ADGRB3: variants seen among roughly 807,000 people sequenced by gnomAD.
ADGRB3 encodes the protein adhesion G protein-coupled receptor B3.
In ADGRB3, 37 loss-of-function variants were observed where a neutral mutation model predicts 193.4. That is an observed-to-expected ratio of 0.19 (90% confidence interval 0.15 to 0.25). The LOEUF is 0.25. ADGRB3 is among the 10% of genes least tolerant of loss of function. ADGRB3 has a pLI of 1.00. For synonymous variants in ADGRB3, 690 were observed against 644.2 expected, an observed-to-expected ratio of 1.07 and a Z score of -1.08; for missense variants, 1,637 against 1,852.9, an observed-to-expected ratio of 0.88 and a Z score of 2.14.
chr6:68,750,996 G>C (rs1361991186), intron 3 of ADGRB3, among the ~76,000 whole-genome samples: 1 of 151,876 alleles, frequency 6.6e-6, no homozygotes, highest in African/African-American at 2.4e-5. Context: ...CACTCTTCTG[G>C]GCTTCGTCTT....
At chr6:69,103,002 T>G (rs1303731625) in intron 17 of ADGRB3, among the ~76,000 whole-genome samples, 9 of 152,208 alleles carry the variant, frequency 5.9e-5, no homozygotes, top group Non-Finnish European at 2.9e-5. Flanking sequence ...TTTTGTATAT[T>G]CCTTCTCATG....
chr6:69,072,979 C>T (rs1001176557), intron 16 of ADGRB3, among the ~76,000 whole-genome samples: 1 of 152,180 alleles, frequency 6.6e-6, no homozygotes, highest in African/African-American at 2.4e-5. Context: ...GGATCTATGC[C>T]GTCTGTGAGA....
chr6:69,336,171 A>G (rs960867024), intron 24 of ADGRB3, among the ~76,000 whole-genome samples: 1 of 152,050 alleles, frequency 6.6e-6, no homozygotes, highest in Non-Finnish European at 1.5e-5. Context: ...CCTAGTACCC[A>G]TTAGTTTACC....
intron 3 of ADGRB3, among the ~76,000 whole-genome samples, chr6:68,640,329 A>G (rs1768058133): frequency 6.6e-6 from 1 of 152,214 alleles, no homozygotes; most frequent in Non-Finnish European, 1.5e-5. Flanking sequence ...TACAGGAATG[A>G]TTTATAGTTT....
chr6:68,925,996 T>C (rs879010636), intron 3 of ADGRB3, among the ~76,000 whole-genome samples: 1 of 152,068 alleles, frequency 6.6e-6, no homozygotes, highest in Admixed American at 6.6e-5. Flanking sequence ...AATAACCTTA[T>C]TGACAGCAGG....
At chr6:69,085,063 A>C (rs1247124217) in intron 17 of ADGRB3, among the ~76,000 whole-genome samples, 1 of 152,098 alleles carries the variant, frequency 6.6e-6, no homozygotes, top group Non-Finnish European at 1.5e-5. Context: ...GAATTTCCAG[A>C]GTGTAAAGGA....
At chr6:69,004,330 G>A (rs1769675806) in intron 11 of ADGRB3, among the ~76,000 whole-genome samples, 1 of 151,842 alleles carries the variant, frequency 6.6e-6, no homozygotes, top group African/African-American at 2.4e-5. Context: ...TTCTCTCTCT[G>A]TCTTTTACAC....
Position 69,157,780 on chromosome 6 carries a change from T to C in ADGRB3, c.2481-75510T>C, listed in dbSNP as rs868179258. Among the ~76,000 whole-genome samples, 30 of 151,904 alleles carry C rather than the reference T, an allele frequency of 2.0e-4. 1 individual carries two copies. The highest frequency in any genetic ancestry group is 6.8e-4 in the African/African-American group (28 of 41,408). On this transcript the variant is annotated intron_variant, in intron 17 of 31. Coordinates refer to ENST00000370598, the MANE Select transcript of ADGRB3 (RefSeq NM_001704.3). ...TGGATATTTTGAAATGAGAAATTGA[T>C]GGTTAGAATGGTGGCAACCAACTTA...
At chr6:69,333,073 C>A in intron 24 of ADGRB3, 65 bp downstream of exon 24, 1 of 1,524,274 alleles carries the variant, frequency 6.6e-7, no homozygotes, top group Non-Finnish European at 9.0e-7. Context: ...AATTTCAGAC[C>A]ATCACTGACT....
Position 69,361,420 on chromosome 6 carries a change from G to C in ADGRB3, c.4147G>C (p.Ala1383Pro), listed in dbSNP as rs745728648. Residue 1383 changes from alanine to proline, a missense_variant, in exon 29 of 32, where the codon GCT becomes CCT. By Grantham distance (27) the Ala-to-Pro change is conservative. Coordinates refer to ENST00000370598, the MANE Select transcript of ADGRB3 (RefSeq NM_001704.3). ...MQNLPFEPRT[A>P]VKNFMASELD... ...GAATTTGCCCTTTGAACCTCGCACAGCTGTGAAGAATTTCATGGCCTCTGA... is the reference window on the plus strand; with the variant it reads ...GAATTTGCCCTTTGAACCTCGCACACCTGTGAAGAATTTCATGGCCTCTGA... 1 of 1,612,946 alleles carries C rather than the reference G, an allele frequency of 6.2e-7. No homozygotes were observed. The highest frequency in any genetic ancestry group is 8.5e-7 in the Non-Finnish European group (1 of 1,179,222).
intron 3 of ADGRB3, among the ~76,000 whole-genome samples, chr6:68,680,631 TA>T (rs1004738979): frequency 5.9e-5 from 9 of 152,182 alleles, no homozygotes; most frequent in African/African-American, 2.2e-4. Context: ...ATTTAATTTC[TA>T]AACCTGGCTA....
chr6:68,758,583 G>GTT (rs574875837), intron 3 of ADGRB3, among the ~76,000 whole-genome samples: 199 of 152,112 alleles, frequency 1.3e-3, no homozygotes, highest in African/African-American at 4.6e-3. Flanking sequence ...GTGTCCTATG[G>GTT]TTAAGTCCCA....
At chr6:68,681,507 C>T (rs979862802) in intron 3 of ADGRB3, among the ~76,000 whole-genome samples, 2 of 151,806 alleles carry the variant, frequency 1.3e-5, no homozygotes, top group African/African-American at 2.4e-5. Flanking sequence ...CTCAAACTTC[C>T]GGCCTCAAGA....
At chr6:68,836,485 A>T (rs1457136111) in intron 3 of ADGRB3, among the ~76,000 whole-genome samples, 1 of 152,078 alleles carries the variant, frequency 6.6e-6, no homozygotes, top group African/African-American at 2.4e-5. Context: ...CAGAAAGAAG[A>T]TTCAAGCAGA....
intron 13 of ADGRB3, among the ~76,000 whole-genome samples, chr6:69,031,274 A>G (rs1770674012): frequency 6.6e-6 from 1 of 151,276 alleles, no homozygotes; most frequent in South Asian, 2.1e-4. Flanking sequence ...CCCAGTCTCT[A>G]CTAAAAATAC....
intron 3 of ADGRB3, among the ~76,000 whole-genome samples, chr6:68,853,529 G>A (rs982600344): frequency 1.3e-5 from 2 of 151,946 alleles, no homozygotes; most frequent in Non-Finnish European, 2.9e-5. Flanking sequence ...AAACATGTAG[G>A]TATTGAGAAA....
intron 6 of ADGRB3, among the ~76,000 whole-genome samples, chr6:68,944,734 C>T (rs1162438702): frequency 6.6e-6 from 1 of 151,984 alleles, no homozygotes; most frequent in Non-Finnish European, 1.5e-5. Context: ...GAATAATGTC[C>T]AGCTTCAAAG....
At chr6:69,360,040 A>G (rs1222497142) in intron 28 of ADGRB3, among the ~76,000 whole-genome samples, 1 of 151,622 alleles carries the variant, frequency 6.6e-6, no homozygotes, top group Non-Finnish European at 1.5e-5. Flanking sequence ...TCTTTTGTTG[A>G]TTGTTTTTGT....
chr6:69,372,029 T>G (rs564804591), intron 29 of ADGRB3, among the ~76,000 whole-genome samples: 1 of 152,234 alleles, frequency 6.6e-6, no homozygotes, highest in South Asian at 2.1e-4. Flanking sequence ...CAACTTTTAA[T>G]CCTGTTTGTC....
Sources: gnomAD v4.1 joint callset for allele counts (sites outside exome capture counted in the v4.1 genomes callset) on GRCh38, gnomAD v4.1.1 for gene constraint, MANE v1.5 for transcripts, NCBI Gene and HGNC (gene_info 2026-07-23, HGNC 2026-07-21) for gene names.